The following LARGE1 variants were observed in gnomAD, a reference collection of about 807,000 sequenced individuals.
LARGE1 encodes LARGE xylosyl- and glucuronyltransferase 1.
Under a neutral mutation model 87.6 loss-of-function variants are expected in LARGE1, and 43 were observed. That is an observed-to-expected ratio of 0.49 (90% CI 0.38 to 0.63). The LOEUF is 0.63. LARGE1 is among the 30% of genes least tolerant of loss of function. The pLI, the probability that LARGE1 is intolerant of heterozygous loss-of-function variation, is 0.00. For synonymous variants in LARGE1, 434 were observed against 394.6 expected, an observed-to-expected ratio of 1.10 and a Z score of -1.18; for missense variants, 802 against 1,000.2, an observed-to-expected ratio of 0.80 and a Z score of 2.67.
In LARGE1 at chr22:33,184,088, CTATATA is replaced by C. The variant is rs144013990; in HGVS notation, c.1731-17262_1731-17257del. ...TAATTTGACTGTGGTAATCAGTACA[CTATATA>C]TATATATATCATATCTTTATGCTAT... On this transcript the variant is annotated intron_variant, in intron 11 of 11. Transcript: ENST00000608642. Among the ~76,000 whole-genome samples the C allele has an allele frequency of 7.3e-3, 766 of 105,304 alleles. 65 individuals carry two copies. The highest frequency in any genetic ancestry group is 9.5e-3 in the Non-Finnish European group (458 of 47,966). 69.1% of individuals were successfully genotyped at this position (105,304 alleles called of 152,430 possible).
intron 6 of LARGE1, among the ~76,000 whole-genome samples, chr22:33,475,810 C>T (rs1404921397): frequency 1.3e-5 from 2 of 152,120 alleles, no homozygotes; most frequent in African/African-American, 4.8e-5. Context: ...AATTAGCATA[C>T]TGTACAATCA....
intron 5 of LARGE1, among the ~76,000 whole-genome samples, chr22:33,584,084 T>A (rs1269565817): frequency 6.6e-6 from 1 of 152,164 alleles, no homozygotes; most frequent in Non-Finnish European, 1.5e-5. Context: ...GAAGGAAGTG[T>A]CAGGCAGAGA....
intron 1 of LARGE1, among the ~76,000 whole-genome samples, chr22:33,910,622 C>CT (rs2065606657): frequency 1.3e-5 from 2 of 152,176 alleles, no homozygotes; most frequent in Admixed American, 1.3e-4. Flanking sequence ...CTGTGTTCCG[C>CT]TGTCAAGCCA....
intron 2 of LARGE1, among the ~76,000 whole-genome samples, chr22:33,658,252 G>C: frequency 6.6e-6 from 1 of 152,180 alleles, no homozygotes; most frequent in East Asian, 1.9e-4. Flanking sequence ...CATCTCTGGA[G>C]GTGGGGGTCT....
chr22:33,620,214 C>G (rs1443519822), intron 4 of LARGE1, among the ~76,000 whole-genome samples: 1 of 152,194 alleles, frequency 6.6e-6, no homozygotes, highest in Non-Finnish European at 1.5e-5. Flanking sequence ...CAAAGTAAGG[C>G]AAATAACCCA....
At position 33,370,802 on chromosome 22, in the gene LARGE1, T is replaced by C. The variant is rs1601612130; in HGVS notation, c.1131+11117A>G. Among the ~76,000 whole-genome samples, 9 of 149,646 alleles carry C rather than the reference T, an allele frequency of 6.0e-5. No individual in the cohort carries two copies. In the South Asian group the frequency reaches 1.9e-3, roughly 32 times the overall value. ...TATAAATATTAATATTATCAAATCA[T>C]TAAATACCATCAATAATTTAACACT... On this transcript the variant is annotated intron_variant, in intron 9 of 14. Coordinates refer to ENST00000397394, the MANE Select transcript of LARGE1 (RefSeq NM_133642.5).
At chr22:33,457,978 CTT>C (rs1464425422) in intron 6 of LARGE1, among the ~76,000 whole-genome samples, 1 of 152,116 alleles carries the variant, frequency 6.6e-6, no homozygotes. Flanking sequence ...TTGGTTTGCT[CTT>C]GTCAAATGAG....
chr22:33,844,811 C>T (rs759729146), intron 1 of LARGE1, among the ~76,000 whole-genome samples: 12 of 151,716 alleles, frequency 7.9e-5, no homozygotes, highest in Non-Finnish European at 1.5e-4. Context: ...ACCTCCGCCT[C>T]CCGGGCTCAA....
the LARGE1 span, among the ~76,000 whole-genome samples, chr22:33,119,124 T>A: frequency 1.2e-4 from 19 of 152,300 alleles, no homozygotes; most frequent in South Asian, 2.1e-4. Context: ...AATGTCCTTT[T>A]AAAAATATGG....
At chr22:33,904,949 T>C (rs5999136) in intron 1 of LARGE1, among the ~76,000 whole-genome samples, 1,915 of 150,678 alleles carry the variant, frequency 0.013, 61 homozygotes, top group African/African-American at 0.044. Flanking sequence ...TGGAAAAAAA[T>C]ATTCAGGTGT....
intron 1 of LARGE1, among the ~76,000 whole-genome samples, chr22:33,789,961 G>C (rs531853857): frequency 1.2e-4 from 19 of 152,226 alleles, no homozygotes; most frequent in African/African-American, 4.3e-4. Flanking sequence ...GGGGACTGTT[G>C]GGAAGGCATA....
chr22:33,912,151 C>G (rs1158047121), intron 1 of LARGE1, among the ~76,000 whole-genome samples: 1 of 152,160 alleles, frequency 6.6e-6, no homozygotes, highest in African/African-American at 2.4e-5. Context: ...TGACATCAGT[C>G]AAGAAGGCTC....
the LARGE1 span, among the ~76,000 whole-genome samples, chr22:33,114,264 T>A: frequency 3.9e-4 from 59 of 152,302 alleles, no homozygotes; most frequent in African/African-American, 1.3e-3. Flanking sequence ...GTACCTGCTC[T>A]CTCATAGCTA....
intron 1 of LARGE1, among the ~76,000 whole-genome samples, chr22:33,809,907 A>T (rs767389294): frequency 3.9e-5 from 6 of 152,226 alleles, no homozygotes; most frequent in Non-Finnish European, 7.4e-5. Flanking sequence ...AAAACTTTAC[A>T]CTGCTTCACT....
chr22:33,199,509 T>C (rs1924261706), intron 11 of LARGE1, among the ~76,000 whole-genome samples: 1 of 152,236 alleles, frequency 6.6e-6, no homozygotes, highest in Non-Finnish European at 1.5e-5. Flanking sequence ...TTTAGGTTTT[T>C]AATGCATCTT....
intron 1 of LARGE1, among the ~76,000 whole-genome samples, chr22:33,864,477 T>C (rs1411811414): frequency 6.6e-6 from 1 of 152,174 alleles, no homozygotes; most frequent in Non-Finnish European, 1.5e-5. Flanking sequence ...GCAGGTGGCC[T>C]TGGAGTGGAG....
intron 1 of LARGE1, among the ~76,000 whole-genome samples, chr22:33,844,597 G>A (rs2063375915): frequency 6.6e-6 from 1 of 152,162 alleles, no homozygotes; most frequent in Non-Finnish European, 1.5e-5. Context: ...TGACTGAAGA[G>A]CATAAAAACA....
intron 2 of LARGE1, among the ~76,000 whole-genome samples, chr22:33,690,973 A>T (rs949884782): frequency 6.6e-6 from 1 of 152,138 alleles, no homozygotes; most frequent in Admixed American, 6.5e-5. Flanking sequence ...CGCCTCCACA[A>T]CAAGCCTGCC....
At chr22:33,900,971 C>T (rs554711742) in intron 1 of LARGE1, among the ~76,000 whole-genome samples, 27 of 151,938 alleles carry the variant, frequency 1.8e-4, no homozygotes, top group Non-Finnish European at 3.1e-4. Flanking sequence ...CGCTTGAACC[C>T]GGGAGACAGA....
Sources: gnomAD v4.1 joint callset for allele counts (sites outside exome capture counted in the v4.1 genomes callset) on GRCh38, gnomAD v4.1.1 for gene constraint, MANE v1.5 for transcripts, NCBI Gene and HGNC (gene_info 2026-07-23, HGNC 2026-07-21) for gene names.